The following UTRN variants were observed in gnomAD, a reference collection of about 807,000 sequenced individuals.
The protein encoded by UTRN is utrophin.
UTRN carries 283 observed loss-of-function variants against 463.9 expected under a neutral mutation model. The ratio of observed to expected loss-of-function variants is 0.61; its 90% CI spans 0.55 to 0.67. The LOEUF (loss-of-function observed/expected upper bound fraction) is 0.67, where lower values mean the gene tolerates loss of function less well. UTRN is among the 30% of genes least tolerant of loss of function. The probability of loss-of-function intolerance (pLI) is 0.00; values close to 1 mark genes in which losing one functional copy is unlikely to be tolerated. For missense variants in UTRN, 3,922 were observed against 4,084.3 expected (o/e 0.96, Z 1.08); for synonymous variants, 1,442 against 1,431.5 (o/e 1.01, Z -0.17).
intron 51 of UTRN, among the ~76,000 whole-genome samples, chr6:144,636,786 T>C (rs1042613894): frequency 2.0e-5 from 3 of 152,224 alleles, no homozygotes; most frequent in South Asian, 2.1e-4. Context: ...TCGTTCATTC[T>C]CTCTTTCTTG....
intron 9 of UTRN, among the ~76,000 whole-genome samples, chr6:144,433,003 C>T (rs369769591): frequency 1.3e-4 from 20 of 151,632 alleles, no homozygotes; most frequent in Non-Finnish European, 2.8e-4. Flanking sequence ...GGGTTGGGGG[C>T]AAGGTCACAG....
intron 51 of UTRN, among the ~76,000 whole-genome samples, chr6:144,598,531 G>T: frequency 6.6e-6 from 1 of 152,152 alleles, no homozygotes. Context: ...TTCTCTCCTG[G>T]ATAGGGAAAA....
intron 27 of UTRN, among the ~76,000 whole-genome samples, chr6:144,484,263 A>G (rs373587051): frequency 8.2e-4 from 125 of 152,170 alleles, no homozygotes; most frequent in Middle Eastern, 3.4e-3. Flanking sequence ...TTATATTGAC[A>G]TGTCCTCATG....
rs140791998 is a variant in UTRN at position 144,555,048 on chromosome 6, G to A, written c.7134+155G>A. On this transcript the variant is annotated intron_variant, in intron 49 of 74. Coordinates refer to ENST00000367545, the MANE Select transcript of UTRN (RefSeq NM_007124.3). ...TTTATATGAAGAATTTGATCTGGAA[G>A]ATTTTTTTCGAAAAATTTCTGGAGG... is the stretch of plus-strand genomic sequence containing the variant. Among the ~76,000 whole-genome samples, 390 of 152,224 alleles carry A rather than the reference G, an allele frequency of 2.6e-3. 6 individuals carry two copies. The highest frequency in any genetic ancestry group is 0.01 in the Middle Eastern group (3 of 294).
chr6:144,457,923 T>C (rs1441920886), intron 19 of UTRN, among the ~76,000 whole-genome samples: 1 of 152,200 alleles, frequency 6.6e-6, no homozygotes, highest in Non-Finnish European at 1.5e-5. Flanking sequence ...TTCCTCCGAA[T>C]AGAAAGATTC....
chr6:144,423,428 TCTC>T (rs1785025989), intron 4 of UTRN, 118 bp from the exon 5 acceptor site: 5 of 933,112 alleles, frequency 5.4e-6, no homozygotes, highest in South Asian at 1.5e-5. Context: ...CTCAGCCAGA[TCTC>T]CTGCCTCTGA....
chr6:144,309,043 G>T (rs1562730098), intron 2 of UTRN, among the ~76,000 whole-genome samples: 2 of 152,170 alleles, frequency 1.3e-5, no homozygotes, highest in Admixed American at 1.3e-4. Context: ...CCAGTAGCCT[G>T]TTCTCAGTCC....
chr6:144,285,655 G>A lies in UTRN; in HGVS notation c.-259G>A, dbSNP rs1428365999. 6.6e-6 allele frequency: 1 copy of A among 152,114 alleles called. No individual in the cohort carries two copies. The highest frequency in any genetic ancestry group is 1.5e-5 in the Non-Finnish European group (1 of 68,046). 9.4% of individuals were successfully genotyped at this position (152,114 alleles called of 1,614,324 possible). On this transcript the variant is annotated 5_prime_UTR_variant, in exon 1 of 75. It adds an upstream start codon to the 5' untranslated region. Coordinates refer to ENST00000367545, the MANE Select transcript of UTRN (RefSeq NM_007124.3). ...CTTTCTTTTTTTAAAATTTCGGTTC[G>A]TGTCTGCTTCTCCAAGCTTTATTTT...
In UTRN at chr6:144,514,814, T is replaced by G. The variant is rs190916143; in HGVS notation, c.5238T>G (p.Ser1746Arg). The change falls in exon 37 of 75, where the codon AGT (serine) becomes AGG (arginine). Residue 1746 changes from serine to arginine, a missense_variant. Around this residue, in one of 3 missense-constraint regions of UTRN, gnomAD observed 2,349 missense variants for 2,303.8 expected, o/e 1.02. Coordinates refer to ENST00000367545, the MANE Select transcript of UTRN (RefSeq NM_007124.3). ...AAAAGGTGTCTCAACATATCAAAAG[T>G]GCCAAAGTGAGTAATTATGCTTTTA... is the stretch of plus-strand genomic sequence containing the variant. ...NFEKVSQHIK[S>R]AKLLIAQEPL... is the part of the protein sequence containing the mutation. 5.0e-6 allele frequency: 8 copies of G among 1,612,144 alleles called. 1 individual carries two copies. In the African/African-American group the frequency reaches 1.1e-4, roughly 22 times the overall value.
At chr6:144,705,131 G>A (rs1291646700) in intron 53 of UTRN, among the ~76,000 whole-genome samples, 1 of 152,134 alleles carries the variant, frequency 6.6e-6, no homozygotes, top group Non-Finnish European at 1.5e-5. Flanking sequence ...TGTGGCCATG[G>A]GTTTTAGGGT....
chr6:144,776,231 C>T (rs1388490981), intron 60 of UTRN, among the ~76,000 whole-genome samples: 1 of 152,164 alleles, frequency 6.6e-6, no homozygotes, highest in African/African-American at 2.4e-5. Context: ...AGATTTACCT[C>T]TTTTGGAAAC....
At chr6:144,631,187 AAGAG>A (rs977746405) in intron 51 of UTRN, among the ~76,000 whole-genome samples, 7 of 151,132 alleles carry the variant, frequency 4.6e-5, no homozygotes, top group South Asian at 2.1e-4. Context: ...GTAAAACCAA[AAGAG>A]AGAGAGAGAG....
chr6:144,508,379 T>A (rs1794870972), intron 34 of UTRN, among the ~76,000 whole-genome samples: 1 of 152,118 alleles, frequency 6.6e-6, no homozygotes, highest in South Asian at 2.1e-4. Context: ...CCTGGTGATG[T>A]AGGCACCTGA....
chr6:144,319,034 A>C (rs780268456), intron 2 of UTRN, among the ~76,000 whole-genome samples: 12 of 152,210 alleles, frequency 7.9e-5, no homozygotes, highest in Non-Finnish European at 1.6e-4. Flanking sequence ...GTACCACTGC[A>C]CTCCAGCCTG....
intron 2 of UTRN, among the ~76,000 whole-genome samples, chr6:144,380,176 T>C (rs543477746): frequency 6.6e-6 from 1 of 152,292 alleles, no homozygotes; most frequent in South Asian, 2.1e-4. Context: ...GAGTGGGAGA[T>C]ATTGGTAAAA....
intron 2 of UTRN, among the ~76,000 whole-genome samples, chr6:144,390,088 A>G (rs935151498): frequency 1.2e-4 from 18 of 152,212 alleles, no homozygotes; most frequent in African/African-American, 3.9e-4. Flanking sequence ...AGCAGATTTT[A>G]AGTCTTCTCA....
chr6:144,447,139 T>C, intron 14 of UTRN, 72 bp from the exon 15 acceptor site: 1 of 1,408,938 alleles, frequency 7.1e-7, no homozygotes, highest in Non-Finnish European at 9.8e-7. Flanking sequence ...AAGTTAGAAA[T>C]TTGGATGCAT....
At chr6:144,561,007 A>T (rs773295569) in intron 50 of UTRN, among the ~76,000 whole-genome samples, 5 of 151,336 alleles carry the variant, frequency 3.3e-5, no homozygotes, top group Non-Finnish European at 7.4e-5. Flanking sequence ...TAACTAATCT[A>T]TATATCCTGA....
intron 39 of UTRN, among the ~76,000 whole-genome samples, chr6:144,519,636 A>G (rs1248443568): frequency 6.6e-6 from 1 of 152,146 alleles, no homozygotes; most frequent in Non-Finnish European, 1.5e-5. Context: ...TTGGGGGAAA[A>G]AAATCTATTT....
Sources: gnomAD v4.1 joint callset for allele counts (sites outside exome capture counted in the v4.1 genomes callset) on GRCh38, gnomAD v4.1.1 for gene constraint, gnomAD v4.1.1 regional missense constraint, MANE v1.5 for transcripts, NCBI Gene and HGNC (gene_info 2026-07-23, HGNC 2026-07-21) for gene names.